CYFIP1: variants seen among roughly 807,000 people sequenced by gnomAD.
CYFIP1 encodes the protein cytoplasmic FMR1-interacting protein 1.
CYFIP1 carries 58 observed loss-of-function variants against 163.5 expected under a neutral mutation model. The observed-to-expected ratio is 0.35, with a 90% confidence interval of 0.29 to 0.44. The LOEUF (loss-of-function observed/expected upper bound fraction) is 0.44, where lower values mean the gene tolerates loss of function less well. CYFIP1 is among the 20% of genes least tolerant of loss of function. CYFIP1 has a pLI of 1.00. For missense variants in CYFIP1, 1,338 were observed against 1,653.8 expected, an observed-to-expected ratio of 0.81 and a Z score of 3.31; for synonymous variants, 663 against 660.7, an observed-to-expected ratio of 1.00 and a Z score of -0.05.
At position 22,910,520 on chromosome 15, in the gene CYFIP1, C is replaced by G. The variant is rs1333202021; in HGVS notation, c.2268G>C (p.Gln756His). 1 of 1,613,348 alleles carries G rather than the reference C, an allele frequency of 6.2e-7. No homozygotes were observed. The highest frequency in any genetic ancestry group is 1.3e-5 in the African/African-American group (1 of 75,044). The change falls in exon 20 of 31, where the codon CAG becomes CAC. Residue 756 changes from glutamine (Q) to histidine (H), a missense_variant and splice_region_variant. Gln to His is a conservative substitution (Grantham distance 24, BLOSUM62 0). Around this residue, in one of 4 missense-constraint regions of CYFIP1, gnomAD observed 824 missense variants for 995.7 expected, o/e 0.83. Transcript: ENST00000617928. ...CCACCACAGCCCGGCCCCAGCTCAC[C>G]TGCACATGCCTCTGCTTCAGCAGCG... ...YETLLKQRHVQLLGRSIDLNR... is the reference protein window; with the variant it reads ...YETLLKQRHVHLLGRSIDLNR...
intron 1 of CYFIP1, among the ~76,000 whole-genome samples, chr15:22,954,514 G>T (rs1480815843): frequency 6.6e-6 from 1 of 152,206 alleles, no homozygotes; most frequent in Admixed American, 6.5e-5. Context: ...AGCCAGACCT[G>T]CATGAGCTCG....
chr15:22,921,200 T>C (rs920117250), intron 13 of CYFIP1, among the ~76,000 whole-genome samples: 1 of 151,496 alleles, frequency 6.6e-6, no homozygotes, highest in African/African-American at 2.4e-5. Context: ...AAACCCCGTC[T>C]CTACTAAAAA....
chr15:22,974,482 T>A (rs1309614567), intron 1 of CYFIP1, among the ~76,000 whole-genome samples: 1 of 152,072 alleles, frequency 6.6e-6, no homozygotes, highest in Non-Finnish European at 1.5e-5. Context: ...ATAATCCCAG[T>A]ACTGGGAGGC....
At chr15:22,912,094 A>G (rs780876797) in intron 18 of CYFIP1, 85 bp downstream of exon 18, 20 of 1,247,132 alleles carry the variant, frequency 1.6e-5, no homozygotes, top group Non-Finnish European at 2.1e-5. Flanking sequence ...TATTTTAAAG[A>G]AAGTTGAATA....
At chr15:22,877,091 G>A (rs943512312) in intron 26 of CYFIP1, among the ~76,000 whole-genome samples, 2 of 152,192 alleles carry the variant, frequency 1.3e-5, no homozygotes, top group African/African-American at 2.4e-5. Flanking sequence ...AACTCATGGT[G>A]AAATTTAATT....
At position 22,933,827 on chromosome 15, in the gene CYFIP1, C is replaced by A. The variant is rs778294512; in HGVS notation, c.967G>T (p.Ala323Ser). The change falls in exon 10 of 31, where the codon GCC (alanine) becomes TCC (serine). Residue 323 changes from alanine (A) to serine (S), a missense_variant. By Grantham distance (99) the Ala-to-Ser change is moderately conservative. Around this residue, in one of 4 missense-constraint regions of CYFIP1, gnomAD observed 824 missense variants for 995.7 expected, o/e 0.83. Coordinates refer to ENST00000617928, the MANE Select transcript of CYFIP1 (RefSeq NM_014608.6). ...CGAGATTTATTTTCCTCGTAGTGGG[C>A]GCTGGTCTTGATATATCTTGCCAGT... ...IELARYIKTS[A>S]HYEENKSRWT... 8.7e-6 allele frequency: 14 copies of A among 1,613,116 alleles called. No homozygotes were observed. The highest frequency in any genetic ancestry group is 1.2e-5 in the Non-Finnish European group (14 of 1,179,696).
intron 3 of CYFIP1, 70 bp from the exon 4 acceptor site, chr15:22,945,009 A>G: frequency 7.2e-7 from 1 of 1,387,362 alleles, no homozygotes; most frequent in South Asian, 1.2e-5. Context: ...GCCAGTTGCT[A>G]AAATCCAGAC....
chr15:22,889,038 C>CAA (rs543290681), intron 23 of CYFIP1, among the ~76,000 whole-genome samples: 7,956 of 133,508 alleles, frequency 0.06, 286 homozygotes, highest in East Asian at 0.18. Flanking sequence ...GACTCTGTCT[C>CAA]AAAAAAAAAA....
At chr15:22,910,160 T>C (rs1435027003) in intron 20 of CYFIP1, among the ~76,000 whole-genome samples, 1 of 152,072 alleles carries the variant, frequency 6.6e-6, no homozygotes, top group Non-Finnish European at 1.5e-5. Flanking sequence ...CAATCATTTT[T>C]TTTTTCTTTT....
At chr15:22,876,723 C>T (rs965985963) in intron 26 of CYFIP1, among the ~76,000 whole-genome samples, 23 of 151,780 alleles carry the variant, frequency 1.5e-4, no homozygotes, top group African/African-American at 4.8e-4. Context: ...CCCAGCTACT[C>T]GGGAGACTGA....
In CYFIP1 at chr15:22,913,627, AG is replaced by A. The variant is rs1317158392; in HGVS notation, c.1985+1098del. 3.8e-4 allele frequency among the ~76,000 whole-genome samples: 52 copies of A among 135,720 alleles called. No homozygotes were observed. In the South Asian group the frequency reaches 5.9e-3, roughly 15 times the overall value. 89.0% of individuals were successfully genotyped at this position (135,720 alleles called of 152,430 possible). A position where few individuals can be genotyped will look rare whatever the true frequency, so the allele number is the denominator to read the frequency against. ...CATTAAAAAAAAAAAAAAAAAAAAA[AG>A]AACAAAGGTGAAGGTCCTGGATCCC... On this transcript the variant is annotated intron_variant, in intron 17 of 30. Transcript: ENST00000617928.
chr15:22,958,421 C>T (rs138732439), intron 1 of CYFIP1, among the ~76,000 whole-genome samples: 228 of 152,284 alleles, frequency 1.5e-3, no homozygotes, highest in African/African-American at 5.0e-3. Flanking sequence ...TCCTCAAAAG[C>T]GGCCACTCAA....
chr15:22,974,377 G>A (rs545355726), intron 1 of CYFIP1, among the ~76,000 whole-genome samples: 1 of 152,132 alleles, frequency 6.6e-6, no homozygotes, highest in Admixed American at 6.6e-5. Flanking sequence ...AGAAGTTCAA[G>A]ACCAGCCTGG....
At position 22,914,878 on chromosome 15, in the gene CYFIP1, C is replaced by T. The variant is rs752483527; in HGVS notation, c.1833G>A (p.Thr611=). ...GCGAAAGGTCACAGCACTGCTGCAGCGTTTCTGGGAGGGTTCAAACAACTC... is the reference window on the plus strand; with the variant it reads ...GCGAAAGGTCACAGCACTGCTGCAGTGTTTCTGGGAGGGTTCAAACAACTC... ...FYTHLINFSE[T]LQQCCDLSQL... The change falls in exon 17 of 31, where the codon ACG becomes ACA. Residue 611 remains threonine (T), a synonymous_variant. Transcript: ENST00000617928. 2.2e-5 allele frequency: 36 copies of T among 1,605,868 alleles called. No homozygotes were observed. The highest frequency in any genetic ancestry group is 2.7e-5 in the African/African-American group (2 of 74,232).
intron 23 of CYFIP1, among the ~76,000 whole-genome samples, chr15:22,889,980 TTGAGTA>T (rs2060028650): frequency 6.6e-6 from 1 of 152,066 alleles, no homozygotes; most frequent in Admixed American, 6.6e-5. Context: ...AAACATCCTT[TTGAGTA>T]TAACTAATTA....
chr15:22,871,755 T>C (rs1314025906), intron 30 of CYFIP1, among the ~76,000 whole-genome samples: 1 of 152,062 alleles, frequency 6.6e-6, no homozygotes, highest in Non-Finnish European at 1.5e-5. Context: ...AGGGGGCCAC[T>C]TGGAAAGCAT....
intron 13 of CYFIP1, among the ~76,000 whole-genome samples, chr15:22,923,809 G>C (rs1414871459): frequency 6.6e-6 from 1 of 151,894 alleles, no homozygotes; most frequent in Non-Finnish European, 1.5e-5. Flanking sequence ...CAGGCATGGT[G>C]GTTTGTGCCT....
chr15:22,889,618 G>A (rs2060015637), intron 23 of CYFIP1, among the ~76,000 whole-genome samples: 1 of 152,130 alleles, frequency 6.6e-6, no homozygotes, highest in Non-Finnish European at 1.5e-5. Context: ...CCACGCAGTC[G>A]GGTCGCCTGC....
At position 22,943,158 on chromosome 15, in the gene CYFIP1, G is replaced by C. The variant is rs776108487; in HGVS notation, c.569+15C>G. ...GCTCTCGGGAGGGCCCGCAGTGCGC[G>C]AGGTGGGTGCTCACCTCTTGTACGC... is the stretch of plus-strand genomic sequence containing the variant. On this transcript the variant is annotated intron_variant, in intron 6 of 30. Coordinates refer to ENST00000617928, the MANE Select transcript of CYFIP1 (RefSeq NM_014608.6). The C allele has an allele frequency of 1.9e-6, 3 of 1,612,584 alleles. No individual in the cohort carries two copies. The highest frequency in any genetic ancestry group is 3.3e-5 in the Admixed American group (2 of 59,948).
Sources: gnomAD v4.1 joint callset for allele counts (sites outside exome capture counted in the v4.1 genomes callset) on GRCh38, gnomAD v4.1.1 for gene constraint, gnomAD v4.1.1 regional missense constraint, MANE v1.5 for transcripts, NCBI Gene and HGNC (gene_info 2026-07-23, HGNC 2026-07-21) for gene names.